Variants in ATP9B observed in about 807,000 individuals in gnomAD.
ATP9B encodes ATPase phospholipid transporting 9B.
ATP9B carries 110 observed loss-of-function variants against 146.1 expected under a neutral mutation model. The ratio of observed to expected loss-of-function variants is 0.75; its 90% confidence interval spans 0.65 to 0.88. The LOEUF (loss-of-function observed/expected upper bound fraction) is 0.88, where lower values mean the gene tolerates loss of function less well. Among genes scored for constraint, ATP9B ranks in the 40% least tolerant of loss-of-function variants. ATP9B has a pLI of 0.00. For missense variants in ATP9B, 1,499 were observed against 1,496.4 expected (o/e 1.00, Z -0.03); for synonymous variants, 604 against 569.7 (o/e 1.06, Z -0.86).
chr18:79,108,617 G>A (rs1448140830), intron 2 of ATP9B, among the ~76,000 whole-genome samples: 1 of 152,172 alleles, frequency 6.6e-6, no homozygotes, highest in Non-Finnish European at 1.5e-5. Flanking sequence ...GAGCTGGCTT[G>A]CTTGGCTATC....
rs57220519 is a variant in ATP9B at position 79,072,989 on chromosome 18, C to T, written c.119+3460C>T. ...GCAGAGACGCTCCTCACTTCCTAGA[C>T]GGGATGACGGCCAGGAAGAGGCGCT... is the stretch of plus-strand genomic sequence containing the variant. On this transcript the variant is annotated intron_variant, in intron 1 of 29. Transcript: ENST00000426216. Among the ~76,000 whole-genome samples, 1,001 of 148,086 alleles carry T rather than the reference C, an allele frequency of 6.8e-3. 13 individuals carry two copies. The highest frequency in any genetic ancestry group is 0.015 in the African/African-American group (582 of 40,002).
chr18:79,136,168 A>G (rs1212963319), intron 5 of ATP9B, among the ~76,000 whole-genome samples: 2 of 152,216 alleles, frequency 1.3e-5, no homozygotes, highest in Non-Finnish European at 2.9e-5. Context: ...AACTAATACT[A>G]GTGTATTATT....
intron 9 of ATP9B, among the ~76,000 whole-genome samples, chr18:79,199,767 A>AC (rs2095449148): frequency 1.4e-5 from 1 of 71,336 alleles, no homozygotes; most frequent in Admixed American, 1.1e-4. Context: ...CATCTGAAAA[A>AC]AAAAAAAAAA....
At chr18:79,316,340 C>G (rs528009443) in intron 15 of ATP9B, among the ~76,000 whole-genome samples, 7 of 152,294 alleles carry the variant, frequency 4.6e-5, no homozygotes, top group African/African-American at 4.8e-5. Context: ...TTCCACCCGC[C>G]GCCTGAATGT....
chr18:79,264,482 C>A (rs2096180095), intron 12 of ATP9B, among the ~76,000 whole-genome samples: 1 of 152,054 alleles, frequency 6.6e-6, no homozygotes, highest in Non-Finnish European at 1.5e-5. Flanking sequence ...TTTTTACTCA[C>A]CCATTGGTGA....
chr18:79,115,503 C>T (rs1393988276), intron 4 of ATP9B: 1 of 136,156 alleles, frequency 7.3e-6, no homozygotes, highest in African/African-American at 3.1e-5. Context: ...AGGCATCACA[C>T]TACCTGACTT....
chr18:79,269,763 T>C (rs1367516942), intron 12 of ATP9B, among the ~76,000 whole-genome samples: 1 of 152,256 alleles, frequency 6.6e-6, no homozygotes, highest in Non-Finnish European at 1.5e-5. Context: ...ATACCCTCTG[T>C]CTTGGAGCAT....
intron 2 of ATP9B, among the ~76,000 whole-genome samples, chr18:79,103,446 G>T (rs2075432874): frequency 1.3e-5 from 2 of 152,082 alleles, no homozygotes; most frequent in African/African-American, 2.4e-5. Context: ...TGATGTTCTT[G>T]AAAAGGTTGG....
At chr18:79,073,786 T>C (rs574254455) in intron 1 of ATP9B, among the ~76,000 whole-genome samples, 2 of 152,250 alleles carry the variant, frequency 1.3e-5, no homozygotes, top group South Asian at 2.1e-4. Context: ...CTCAGTTTTA[T>C]AATTTATGTT....
chr18:79,373,862 C>G (rs1360402798), intron 27 of ATP9B, 36 bp from the exon 28 acceptor site: 7 of 1,609,274 alleles, frequency 4.3e-6, no homozygotes, highest in Middle Eastern at 2.2e-4. Flanking sequence ...TTACACCCTG[C>G]TCGTGTGCAT....
chr18:79,159,183 AT>A (rs2094840294), intron 7 of ATP9B, among the ~76,000 whole-genome samples: 1 of 152,058 alleles, frequency 6.6e-6, no homozygotes, highest in Non-Finnish European at 1.5e-5. Context: ...TTGCATCATG[AT>A]TTTTCATTCA....
chr18:79,360,006 G>A (rs1342228940), intron 26 of ATP9B: 1 of 154,786 alleles, frequency 6.5e-6, no homozygotes, highest in Non-Finnish European at 1.4e-5. Flanking sequence ...ATGTCACCAA[G>A]AAAAAAATCC....
chr18:79,327,559 GC>G (rs1568697505), intron 15 of ATP9B, among the ~76,000 whole-genome samples: 1 of 123,386 alleles, frequency 8.1e-6, no homozygotes, highest in Non-Finnish European at 1.7e-5. Flanking sequence ...TGGTTAGCGT[GC>G]TCTCCGTGGT....
At chr18:79,269,154 G>A (rs527653122) in intron 12 of ATP9B, among the ~76,000 whole-genome samples, 18 of 152,246 alleles carry the variant, frequency 1.2e-4, no homozygotes, top group South Asian at 2.1e-4. Flanking sequence ...CCCACCTGTC[G>A]CGTCCTGCTC....
At chr18:79,328,287 G>A (rs976610865) in intron 15 of ATP9B, among the ~76,000 whole-genome samples, 1 of 152,162 alleles carries the variant, frequency 6.6e-6, no homozygotes, top group African/African-American at 2.4e-5. Context: ...CTGGTAGGGA[G>A]GTTGCTTTTA....
At chr18:79,336,011 G>T (rs1237031841) in intron 17 of ATP9B, among the ~76,000 whole-genome samples, 2 of 151,290 alleles carry the variant, frequency 1.3e-5, no homozygotes, top group Non-Finnish European at 3.0e-5. Flanking sequence ...CGCTCCCCTC[G>T]CCCGTCCCCA....
intron 3 of ATP9B, 84 bp downstream of exon 3, chr18:79,110,589 CT>C: frequency 2.2e-6 from 3 of 1,343,634 alleles, no homozygotes; most frequent in East Asian, 4.9e-5. Context: ...TGTTGAGACT[CT>C]GACTTAGGTA....
intron 4 of ATP9B, among the ~76,000 whole-genome samples, chr18:79,121,190 T>G (rs566301214): frequency 1.3e-5 from 2 of 152,368 alleles, no homozygotes; most frequent in Non-Finnish European, 2.9e-5. Flanking sequence ...TTTTCTCCTT[T>G]TACAAAAATG....
intron 9 of ATP9B, among the ~76,000 whole-genome samples, chr18:79,199,988 A>G (rs1434895606): frequency 1.3e-5 from 2 of 152,218 alleles, no homozygotes; most frequent in Non-Finnish European, 2.9e-5. Flanking sequence ...TCTTTTTATA[A>G]GTAGAAGGAG....
Sources: allele counts gnomAD v4.1 joint callset (sites outside exome capture counted in the v4.1 genomes callset), GRCh38; gene constraint gnomAD v4.1.1; transcripts MANE v1.5; gene names NCBI Gene and HGNC (gene_info 2026-07-23, HGNC 2026-07-21).